COL6A2: variants seen among roughly 807,000 people sequenced by gnomAD.
The protein encoded by COL6A2 is collagen alpha-2(VI) chain.
COL6A2 carries 90 observed loss-of-function variants against 124.9 expected under a neutral mutation model. That is an observed-to-expected ratio of 0.72 (90% CI 0.61 to 0.86). COL6A2 has a LOEUF of 0.86. Ranked by LOEUF, COL6A2 falls within the 40% of genes least tolerant of loss-of-function variation. The pLI is 0.00. For missense variants in COL6A2, 1,607 were observed against 1,502.5 expected, an observed-to-expected ratio of 1.07 and a Z score of -1.15; for synonymous variants, 793 against 618.2, an observed-to-expected ratio of 1.28 and a Z score of -4.19.
intron 21 of COL6A2, among the ~76,000 whole-genome samples, chr21:46,123,700 GGTAGATGGATGGGTGGGTGGGCGA>G (rs1482648904): frequency 6.7e-6 from 1 of 150,206 alleles, no homozygotes; most frequent in Non-Finnish European, 1.5e-5. Flanking sequence ...TGGGTAGGTG[GGTAGATGGATGGGTGGGTGGGCGA>G]GTGTGTGGTT....
Position 46,125,491 on chromosome 21 carries a change from G to C in COL6A2, c.1843G>C (p.Asp615His). 1 of 1,613,014 alleles carries C rather than the reference G, an allele frequency of 6.2e-7. No homozygotes were observed. The highest frequency in any genetic ancestry group is 8.5e-7 in the Non-Finnish European group (1 of 1,179,984). ...CTGTGAGAAGCGCTGTGGCGCCCTG[G>C]ACGTGGTCTTCGTCATCGACAGCTC... is the stretch of plus-strand genomic sequence containing the variant. ...CDCEKRCGAL[D>H]VVFVIDSSES... is the part of the protein sequence containing the mutation. The change falls in exon 25 of 28, where the codon GAC (aspartate) becomes CAC (histidine). Residue 615 changes from aspartate (D) to histidine (H), a missense_variant. Physicochemically the swap from Asp to His is moderately conservative, Grantham distance 81. This residue lies in a region of COL6A2 where 1,223 missense variants were observed against 1,052.2 expected (regional missense o/e 1.16). Transcript: ENST00000300527.
chr21:46,132,517 G>T lies in COL6A2; in HGVS notation c.3025G>T (p.Gly1009Cys). The change falls in exon 28 of 28, where the codon GGC becomes TGC. Residue 1009 changes from glycine to cysteine, a missense_variant. By Grantham distance (159) the Gly-to-Cys change is radical (BLOSUM62 -3). This residue lies in a region of COL6A2 where 1,223 missense variants were observed against 1,052.2 expected (regional missense o/e 1.16). Transcript: ENST00000300527. ...EKDYDSLAQP[G>C]FFDRFIRWIC ...GGACTATGACAGCCTGGCGCAACCC[G>T]GCTTCTTCGACCGCTTCATCCGCTG... 1 of 1,606,468 alleles carries T rather than the reference G, an allele frequency of 6.2e-7. No homozygotes were observed. Among genetic ancestry groups the T allele is most frequent in the Non-Finnish European group, 8.5e-7 (1 of 1,179,406 alleles).
At chr21:46,098,256 G>C (rs993675506) in intron 1 of COL6A2, 83 bp downstream of exon 1, 1 of 152,594 alleles carries the variant, frequency 6.6e-6, no homozygotes, top group East Asian at 1.9e-4. Context: ...CGGCGGCGGC[G>C]GCTCCGTCCC....
In COL6A2 at chr21:46,116,041, C is replaced by G; in HGVS notation, c.888C>G (p.Phe296Leu). Residue 296 changes from phenylalanine to leucine, a missense_variant, in exon 7 of 28, where the codon TTC becomes TTG. Coordinates refer to ENST00000300527, the MANE Select transcript of COL6A2 (RefSeq NM_001849.4). The surrounding 1 kb of genome is among the most constrained non-coding windows in gnomAD (Gnocchi z 4.6). ...GDPGIEGPIGFPGPKGVPGFK... is the reference protein window; with the variant it reads ...GDPGIEGPIGLPGPKGVPGFK... Reference sequence around the variant, plus strand: ...CGGGCATCGAAGGCCCCATTGGATTCCCAGGACCCAAGGTGAGTGACCTCG... The same window carrying G: ...CGGGCATCGAAGGCCCCATTGGATTGCCAGGACCCAAGGTGAGTGACCTCG... The G allele has an allele frequency of 1.3e-6, 2 of 1,595,036 alleles. No homozygotes were observed. Among genetic ancestry groups the G allele is most frequent in the Non-Finnish European group, 1.7e-6 (2 of 1,171,534 alleles).
chr21:46,111,426 G>A, intron 1 of COL6A2, 24 bp from the exon 2 acceptor site: 1 of 1,442,126 alleles, frequency 6.9e-7, no homozygotes, highest in Non-Finnish European at 9.7e-7. Context: ...GGGGGTGTCT[G>A]AGCGACCCCC....
chr21:46,122,910 T>C lies in COL6A2; in HGVS notation c.1644T>C (p.Pro548=), dbSNP rs1246750281. The C allele has an allele frequency of 1.2e-6, 2 of 1,613,190 alleles. No individual in the cohort carries two copies. Among genetic ancestry groups the C allele is most frequent in the East Asian group, 2.2e-5 (1 of 44,848 alleles). ...GRGDFGLKGE[P]GRKGEKGEPA... ...GCGACTTTGGCTTGAAAGGAGAACC[T>C]GGGAGGAAAGGAGAGAAAGGAGAGC... Residue 548 remains proline (P), a synonymous_variant, in exon 21 of 28, where the codon CCT becomes CCC. Transcript: ENST00000300527.
chr21:46,108,533 T>G (rs1035851401), intron 1 of COL6A2, among the ~76,000 whole-genome samples: 2 of 152,352 alleles, frequency 1.3e-5, no homozygotes, highest in East Asian at 3.9e-4. Context: ...TGTATATCCT[T>G]TATAGAGTTA....
chr21:46,098,303 C>A (rs1248994265), intron 1 of COL6A2, 130 bp downstream of exon 1: 1 of 151,860 alleles, frequency 6.6e-6, no homozygotes, highest in Non-Finnish European at 1.5e-5. Flanking sequence ...GCCCCAGGGA[C>A]GGCGGGGGGC....
chr21:46,125,430 C>A, intron 24 of COL6A2, 35 bp from the exon 25 acceptor site: 1 of 1,611,068 alleles, frequency 6.2e-7, no homozygotes, highest in Non-Finnish European at 8.5e-7. Flanking sequence ...CTGAGGTCTC[C>A]CCGGTACCCC....
intron 1 of COL6A2, among the ~76,000 whole-genome samples, chr21:46,103,674 G>A (rs1453033267): frequency 6.6e-6 from 1 of 152,168 alleles, no homozygotes; most frequent in African/African-American, 2.4e-5. Context: ...TTATTTAACA[G>A]GGTGTTGTTT....
At position 46,112,166 on chromosome 21, in the gene COL6A2, C is replaced by T. The variant is rs1213637086; in HGVS notation, c.303C>T (p.Phe101=). 6.2e-7 allele frequency: 1 copy of T among 1,613,048 alleles called. No homozygotes were observed. Among genetic ancestry groups the T allele is most frequent in the East Asian group, 2.2e-5 (1 of 44,878 alleles). ...ALSWRYGGLH[F]SDQVEVFSPP... ...GCTGGCGCTACGGCGGCCTGCACTT[C>T]TCTGACCAGGTGGAGGTGTTCAGCC... is the stretch of plus-strand genomic sequence containing the variant. The change falls in exon 3 of 28, where the codon TTC becomes TTT. Residue 101 remains phenylalanine, a synonymous_variant. Coordinates refer to ENST00000300527, the MANE Select transcript of COL6A2 (RefSeq NM_001849.4).
rs770679212 is a variant in COL6A2, at chr21:46,125,324, C to T, written c.1816+13C>T. On this transcript the variant is annotated intron_variant, in intron 24 of 27. Transcript: ENST00000300527. ...TGCGGGTGCTGCGGTGAGGCACTGC[C>T]CACGGCAGGGTCGGGGCCCATGCAC... 1.2e-6 allele frequency: 2 copies of T among 1,608,768 alleles called. No individual in the cohort carries two copies. The highest frequency in any genetic ancestry group is 1.3e-5 in the African/African-American group (1 of 74,854).
At position 46,125,858 on chromosome 21, in the gene COL6A2, C is replaced by T. The variant is rs373514837; in HGVS notation, c.2043C>T (p.Ile681=). 5.1e-5 allele frequency: 83 copies of T among 1,612,840 alleles called. No homozygotes were observed. The highest frequency in any genetic ancestry group is 1.6e-4 in the Middle Eastern group (1 of 6,082). The change falls in exon 26 of 28, where the codon ATC becomes ATT. Residue 681 remains isoleucine (I), a synonymous_variant. Transcript: ENST00000300527. ...CCATCCAGCTGGACGACGAACGTAT[C>T]GACTCCCTGTCGAGCTTCAAGGAGG... ...FEAIQLDDER[I]DSLSSFKEAV... is the part of the protein sequence containing the mutation.
chr21:46,098,457 G>A (rs1329954678), intron 1 of COL6A2, among the ~76,000 whole-genome samples: 3 of 4,930 alleles, frequency 6.1e-4, no homozygotes, highest in Non-Finnish European at 2.2e-3. Context: ...TGGGCGGGGT[G>A]GGGGGGTCCC....
chr21:46,116,435 T>TGC lies in COL6A2; in HGVS notation c.927+35_927+36dup, dbSNP rs2078471485. 1 of 1,612,010 alleles carries TGC rather than the reference T, an allele frequency of 6.2e-7. No homozygotes were observed. The highest frequency in any genetic ancestry group is 8.5e-7 in the Non-Finnish European group (1 of 1,179,624). On this transcript the variant is annotated intron_variant, in intron 8 of 27. Transcript: ENST00000300527. This position sits in a 1 kb window ranked among gnomAD's most constrained non-coding sequence, Gnocchi z 4.6. The stretch of plus-strand genomic sequence containing the variant: ...CTCTTGCCCTGACAGACCTCAGACC[T>TGC]GCGCCAGCCTCGGCCCAGACCCACC...
chr21:46,128,138 T>C (rs1488191591), intron 27 of COL6A2, among the ~76,000 whole-genome samples: 1 of 152,216 alleles, frequency 6.6e-6, no homozygotes, highest in Non-Finnish European at 1.5e-5. Context: ...AGTGAGCCCA[T>C]TCTCCCTCCT....
At chr21:46,103,554 C>T (rs1382034313) in intron 1 of COL6A2, among the ~76,000 whole-genome samples, 2 of 152,090 alleles carry the variant, frequency 1.3e-5, no homozygotes, top group African/African-American at 2.4e-5. Context: ...CATCAGTTTC[C>T]CCCTTAGCAC....
chr21:46,131,928 C>G, intron 27 of COL6A2, 26 bp from the exon 28 acceptor site: 1 of 1,565,594 alleles, frequency 6.4e-7, no homozygotes, highest in Non-Finnish European at 8.6e-7. Context: ...CCCCTCCGCC[C>G]AGCCCGCACC....
intron 16 of COL6A2, among the ~76,000 whole-genome samples, chr21:46,120,851 G>T (rs898009398): frequency 6.6e-6 from 1 of 152,160 alleles, no homozygotes; most frequent in African/African-American, 2.4e-5. Context: ...GGGTGCTTAG[G>T]CAGGGGCTAC....
Sources: gnomAD v4.1 joint callset for allele counts (sites outside exome capture counted in the v4.1 genomes callset) on GRCh38, gnomAD v4.1.1 for gene constraint, gnomAD v4.1.1 regional missense constraint, Gnocchi (gnomAD v3.1) non-coding constraint, MANE v1.5 for transcripts, NCBI Gene and HGNC (gene_info 2026-07-23, HGNC 2026-07-21) for gene names.